RNF17: variants seen among roughly 807,000 people sequenced by gnomAD.
The protein encoded by RNF17 is spermatogenesis associated 23.
In RNF17, 31 loss-of-function variants were observed where a neutral mutation model predicts 200.5. That is an observed-to-expected ratio of 0.15 (90% CI 0.12 to 0.21). RNF17 has a LOEUF of 0.21. RNF17 is among the 10% of genes least tolerant of loss of function. The probability of loss-of-function intolerance (pLI) is 1.00; values close to 1 mark genes in which losing one functional copy is unlikely to be tolerated. For synonymous variants in RNF17, 606 were observed against 637.8 expected (o/e 0.95, Z 0.75); for missense variants, 1,628 against 1,905.1 (o/e 0.85, Z 2.71).
intron 18 of RNF17, among the ~76,000 whole-genome samples, chr13:24,838,389 CTA>C (rs1890235922): frequency 6.6e-6 from 1 of 152,088 alleles, no homozygotes; most frequent in African/African-American, 2.4e-5. Context: ...AAAAAGAAAA[CTA>C]TAGACTGATA....
At position 24,794,775 on chromosome 13, in the gene RNF17, T is replaced by C. The variant is rs142208801; in HGVS notation, c.1241-1362T>C. Among the ~76,000 whole-genome samples, 1,432 of 152,342 alleles carry C rather than the reference T, an allele frequency of 9.4e-3. 29 individuals are homozygous for C. The highest frequency in any genetic ancestry group is 0.033 in the African/African-American group (1,375 of 41,580). ...TCTTACTGTGTTGCCCAGGCTGGAA[T>C]GCAGTGGCGCGATCCTGGCTCACTG... On this transcript the variant is annotated intron_variant, in intron 10 of 35. Transcript: ENST00000255324.
In RNF17 at chr13:24,834,177, C is replaced by T. The variant is rs78233962; in HGVS notation, c.2482+2199C>T. 8.8e-3 allele frequency among the ~76,000 whole-genome samples: 1,337 copies of T among 151,752 alleles called. 21 individuals carry two copies. The highest frequency in any genetic ancestry group is 0.031 in the African/African-American group (1,262 of 41,356). On this transcript the variant is annotated intron_variant, in intron 18 of 35. Transcript: ENST00000255324. ...TCCCAGTATTTTGGGAGGTCAGAGGCGGGTGGATCACCTGAGGTCAGGAGT... is the reference window on the plus strand; with the variant it reads ...TCCCAGTATTTTGGGAGGTCAGAGGTGGGTGGATCACCTGAGGTCAGGAGT...
intron 3 of RNF17, among the ~76,000 whole-genome samples, chr13:24,776,520 A>G (rs1171220229): frequency 6.6e-5 from 10 of 152,124 alleles, no homozygotes; most frequent in Non-Finnish European, 1.3e-4. Context: ...ACTGCTCCCA[A>G]CTCCTATACC....
chr13:24,788,462 GT>G (rs11320308), intron 7 of RNF17, among the ~76,000 whole-genome samples: 2,610 of 152,130 alleles, frequency 0.017, 76 homozygotes, highest in African/African-American at 0.059. Context: ...TGAGGTGAAA[GT>G]TTAGGTTTCT....
At chr13:24,814,936 C>G (rs1448557131) in intron 15 of RNF17, among the ~76,000 whole-genome samples, 1 of 152,124 alleles carries the variant, frequency 6.6e-6, no homozygotes, top group African/African-American at 2.4e-5. Context: ...TGTATTGAAA[C>G]TCAACTGATT....
chr13:24,865,026 C>G (rs368343920), intron 29 of RNF17, 28 bp downstream of exon 29: 88 of 1,503,668 alleles, frequency 5.9e-5, no homozygotes, highest in Non-Finnish European at 7.5e-5. Flanking sequence ...CTATAAAAAT[C>G]TAAAGTGTAG....
At chr13:24,842,306 A>C in intron 19 of RNF17, 145 bp downstream of exon 19, 1 of 596,724 alleles carries the variant, frequency 1.7e-6, no homozygotes. Flanking sequence ...GACCAGAAAA[A>C]ATAGAAAATA....
At chr13:24,838,529 T>C (rs1041672482) in intron 18 of RNF17, among the ~76,000 whole-genome samples, 14 of 152,070 alleles carry the variant, frequency 9.2e-5, no homozygotes, top group Non-Finnish European at 1.0e-4. Flanking sequence ...ATGTAATATA[T>C]GCAAGTCAAT....
At chr13:24,867,985 A>T (rs1214772383) in intron 30 of RNF17, among the ~76,000 whole-genome samples, 1 of 152,232 alleles carries the variant, frequency 6.6e-6, no homozygotes, top group African/African-American at 2.4e-5. Context: ...CATTAGTGGC[A>T]GTTACTATTG....
rs572446192 is a variant in RNF17, at chr13:24,872,526, C to G, written c.4448-1588C>G. Among the ~76,000 whole-genome samples, 8 of 130,772 alleles carry G rather than the reference C, an allele frequency of 6.1e-5. No homozygotes were observed. In the South Asian group the frequency reaches 2.3e-3, roughly 38 times the overall value. The allele number at this position is 130,772 out of a possible 152,430, so 85.8% of individuals were successfully genotyped here. On this transcript the variant is annotated intron_variant, in intron 32 of 35. Transcript: ENST00000255324. ...CACCGTTTAACTCAAGCCTAGCACT[C>G]ATTGGTACACTTTTTTTTTACTGAG...
chr13:24,871,011 T>G (rs1047084778), intron 32 of RNF17, among the ~76,000 whole-genome samples: 2 of 152,224 alleles, frequency 1.3e-5, no homozygotes, highest in Non-Finnish European at 2.9e-5. Context: ...GCATAAAGAT[T>G]ATTTTCTAAG....
downstream of RNF17, among the ~76,000 whole-genome samples, chr13:24,881,837 GATAT>G (rs1325391359): frequency 9.4e-5 from 12 of 127,190 alleles, no homozygotes; most frequent in Admixed American, 3.1e-4. Flanking sequence ...CATCTATATA[GATAT>G]ATAGATACAT....
Position 24,879,206 on chromosome 13 carries a change from T to C in RNF17, c.4793T>C (p.Ile1598Thr). 6.2e-7 allele frequency: 1 copy of C among 1,613,280 alleles called. No homozygotes were observed. ...AVSMAPAPEQ[I>T]VTLYDDEQHP... is the part of the protein sequence containing the mutation. ...TTTTAGGCTCCAGCACCAGAACAGATAGTGACATTATATGACGATGAACAG... is the reference window on the plus strand; with the variant it reads ...TTTTAGGCTCCAGCACCAGAACAGACAGTGACATTATATGACGATGAACAG... The change falls in exon 35 of 36, where the codon ATA (isoleucine) becomes ACA (threonine). Residue 1598 changes from isoleucine (I) to threonine (T), a missense_variant. Around this residue, in one of 5 missense-constraint regions of RNF17, gnomAD observed 609 missense variants for 681.9 expected, o/e 0.89. Transcript: ENST00000255324.
intron 15 of RNF17, among the ~76,000 whole-genome samples, chr13:24,815,160 C>T (rs1887227146): frequency 6.6e-6 from 1 of 152,104 alleles, no homozygotes; most frequent in Admixed American, 6.6e-5. Flanking sequence ...AATTTTAAGT[C>T]ATCTTATCCA....
Position 24,796,076 on chromosome 13 carries a change from G to C in RNF17, c.1241-61G>C. The C allele has an allele frequency of 5.3e-6, 7 of 1,310,808 alleles. 1 individual carries two copies. The South Asian group carries it at 9.9e-5, about 19-fold the overall frequency. 81.2% of individuals were successfully genotyped at this position (1,310,808 alleles called of 1,614,324 possible). A position where few individuals can be genotyped will look rare whatever the true frequency, so the allele number is the denominator to read the frequency against. On this transcript the variant is annotated intron_variant, in intron 10 of 35. Coordinates refer to ENST00000255324, the MANE Select transcript of RNF17 (RefSeq NM_031277.3). Reference sequence around the variant, plus strand: ...TTTTAGAGGCTATTATGGTTGTTCAGCTTTCATGAATTATTTTCTAACTCA... The same window carrying C: ...TTTTAGAGGCTATTATGGTTGTTCACCTTTCATGAATTATTTTCTAACTCA...
At chr13:24,751,179 A>G in the RNF17 span, 1 of 151,982 alleles carries the variant, frequency 6.6e-6, no homozygotes, top group Non-Finnish European at 1.5e-5. Flanking sequence ...CAGGCCTGTC[A>G]TACTCGTCTT....
rs200063992 is a variant in RNF17, at chr13:24,807,297, C to G, written c.2091+2868C>G. Reference sequence around the variant, plus strand: ...AAAAGTGTTCCTATTTCTCCACATCCTCTCCAGCACCTGTTGTTTCCTGAC... The same window carrying G: ...AAAAGTGTTCCTATTTCTCCACATCGTCTCCAGCACCTGTTGTTTCCTGAC... On this transcript the variant is annotated intron_variant, in intron 15 of 35. Coordinates refer to ENST00000255324, the MANE Select transcript of RNF17 (RefSeq NM_031277.3). Among the ~76,000 whole-genome samples the G allele has an allele frequency of 1.9e-3, 286 of 151,578 alleles. 4 individuals carry two copies. In the East Asian group the frequency reaches 0.047, roughly 25 times the overall value.
intron 9 of RNF17, among the ~76,000 whole-genome samples, chr13:24,791,582 A>G (rs971854722): frequency 1.3e-5 from 2 of 152,176 alleles, no homozygotes; most frequent in African/African-American, 2.4e-5. Context: ...TAATCAGAAT[A>G]TAGATGTAGA....
intron 32 of RNF17, among the ~76,000 whole-genome samples, chr13:24,872,062 G>A (rs1297506149): frequency 2.2e-5 from 3 of 139,190 alleles, no homozygotes; most frequent in South Asian, 4.7e-4. Context: ...TTTGCCTCCC[G>A]GGTTCAAACG....
Sources: gnomAD v4.1 joint callset for allele counts (sites outside exome capture counted in the v4.1 genomes callset) on GRCh38, gnomAD v4.1.1 for gene constraint, gnomAD v4.1.1 regional missense constraint, MANE v1.5 for transcripts, NCBI Gene and HGNC (gene_info 2026-07-23, HGNC 2026-07-21) for gene names.